Variants in TSKU observed in about 807,000 individuals in gnomAD.
TSKU encodes tsukushi.
A neutral mutation model predicts 11.2 loss-of-function variants in TSKU; 4 were observed. The ratio of observed to expected loss-of-function variants is 0.36; its 90% CI spans 0.18 to 0.82. TSKU has a LOEUF of 0.82. Among genes scored for constraint, TSKU ranks in the 40% least tolerant of loss-of-function variants. The pLI is 0.50. For missense variants in TSKU, 407 were observed against 482.5 expected (o/e 0.84, Z 1.47); for synonymous variants, 220 against 232.2 (o/e 0.95, Z 0.48).
intron 1 of TSKU, chr11:76,784,356 C>T (rs892712402): frequency 6.6e-6 from 1 of 152,326 alleles, no homozygotes; most frequent in Non-Finnish European, 1.5e-5. Flanking sequence ...GGGGCCAACC[C>T]TCGGACCCGG....
intron 1 of TSKU, among the ~76,000 whole-genome samples, chr11:76,794,260 C>T (rs1239394248): frequency 3.3e-5 from 5 of 152,228 alleles, no homozygotes; most frequent in Non-Finnish European, 5.9e-5. Context: ...CTACAGTGGA[C>T]GTGAACACAG....
Position 76,796,904 on chromosome 11 carries a change from G to T in TSKU, c.*226G>T. ...TTGCTTCCCCAAACCATGAGCAGAG[G>T]GACTTCGATGCCAAACCAGACTCGG... On this transcript the variant is annotated 3_prime_UTR_variant, in exon 2 of 2. Coordinates refer to ENST00000333090, the MANE Select transcript of TSKU (RefSeq NM_015516.4). The surrounding 1 kb of genome is among the most constrained non-coding windows in gnomAD (Gnocchi z 4.1). The T allele has an allele frequency of 2.5e-6, 1 of 401,276 alleles. No individual in the cohort carries two copies. The highest frequency in any genetic ancestry group is 4.6e-6 in the Non-Finnish European group (1 of 218,292). 24.9% of individuals were successfully genotyped at this position (401,276 alleles called of 1,614,324 possible).
Position 76,796,071 on chromosome 11 carries a change from C to T in TSKU, c.455C>T (p.Thr152Met), listed in dbSNP as rs751053207. ...CGGGAGGTCTCAGTGTCTGCCTTCA[C>T]GACGCACAGTCAGGGCCGGGCACTA... ...QLREVSVSAF[T>M]THSQGRALHV... The change falls in exon 2 of 2, where the codon ACG becomes ATG. Residue 152 changes from threonine to methionine, a missense_variant. Thr to Met is a moderately conservative substitution (Grantham distance 81). Transcript: ENST00000333090. The surrounding 1 kb of genome is among the most constrained non-coding windows in gnomAD (Gnocchi z 4.1). The T allele has an allele frequency of 1.4e-5, 23 of 1,614,054 alleles. No homozygotes were observed. The highest frequency in any genetic ancestry group is 1.6e-4 in the Middle Eastern group (1 of 6,062).
In TSKU at chr11:76,796,149, G is replaced by C. The variant is rs1396851868; in HGVS notation, c.533G>C (p.Arg178Thr). ...LIHRLVPHPT[R>T]AGLPAPTIQS... is the part of the protein sequence containing the mutation. ...CACCGCCTCGTGCCCCACCCCACGA[G>C]GGCCGGCCTGCCTGCGCCCACCATT... is the stretch of plus-strand genomic sequence containing the variant. The change falls in exon 2 of 2, where the codon AGG becomes ACG. Residue 178 changes from arginine to threonine, a missense_variant. Coordinates refer to ENST00000333090, the MANE Select transcript of TSKU (RefSeq NM_015516.4). This position sits in a 1 kb window ranked among gnomAD's most constrained non-coding sequence, Gnocchi z 4.1. 6.2e-7 allele frequency: 1 copy of C among 1,613,424 alleles called. No homozygotes were observed. Among genetic ancestry groups the C allele is most frequent in the Admixed American group, 1.7e-5 (1 of 59,996 alleles).
At position 76,796,625 on chromosome 11, in the gene TSKU, C is replaced by A; in HGVS notation, c.1009C>A (p.Leu337Met). 1 of 1,474,630 alleles carries A rather than the reference C, an allele frequency of 6.8e-7. No individual in the cohort carries two copies. Among genetic ancestry groups the A allele is most frequent in the Non-Finnish European group, 9.0e-7 (1 of 1,111,766 alleles). The allele number at this position is 1,474,630 out of a possible 1,614,324, so 91.3% of individuals were successfully genotyped here. A position where few individuals can be genotyped will look rare whatever the true frequency, so the allele number is the denominator to read the frequency against. ...RRPGSSPKVA[L>M]HCVDTRDSAA... ...GCCTGGCTCCAGCCCCAAGGTGGCC[C>A]TGCACTGCGTAGACACCCGGGATTC... The change falls in exon 2 of 2, where the codon CTG becomes ATG. Residue 337 changes from leucine to methionine, a missense_variant. Leu to Met is a conservative substitution (Grantham distance 15, BLOSUM62 2). Coordinates refer to ENST00000333090, the MANE Select transcript of TSKU (RefSeq NM_015516.4). This position sits in a 1 kb window ranked among gnomAD's most constrained non-coding sequence, Gnocchi z 4.1.
At chr11:76,793,819 C>T (rs2134401298) in intron 1 of TSKU, among the ~76,000 whole-genome samples, 1 of 152,232 alleles carries the variant, frequency 6.6e-6, no homozygotes, top group East Asian at 1.9e-4. Context: ...AGAGGAGGGT[C>T]CCACATGGGG....
intron 1 of TSKU, among the ~76,000 whole-genome samples, chr11:76,787,443 C>T (rs1341712932): frequency 1.3e-5 from 2 of 152,216 alleles, no homozygotes; most frequent in Non-Finnish European, 2.9e-5. Context: ...TACCTGGGTC[C>T]TGGGTCCAGC....
At chr11:76,783,455 C>T (rs1944264409) in intron 1 of TSKU, 51 bp downstream of exon 1, 2 of 152,164 alleles carry the variant, frequency 1.3e-5, no homozygotes, top group South Asian at 2.1e-4. Flanking sequence ...GGTTGAAGAT[C>T]CCAAGTCCCC....
rs144791919 is a variant in TSKU at position 76,788,139 on chromosome 11, G to A, written c.-9+4735G>A. Among the ~76,000 whole-genome samples the A allele has an allele frequency of 8.2e-3, 1,243 of 152,076 alleles. 13 individuals carry two copies. Among genetic ancestry groups the A allele is most frequent in the African/African-American group, 0.028 (1,168 of 41,464 alleles). On this transcript the variant is annotated intron_variant, in intron 1 of 1. Coordinates refer to ENST00000333090, the MANE Select transcript of TSKU (RefSeq NM_015516.4). ...GAACCATCCACCTGGGGATTTCCTC[G>A]GCATCAGCTTGAGTGAACTCATGAC...
Position 76,796,909 on chromosome 11 carries a change from T to G in TSKU, c.*231T>G, listed in dbSNP as rs1944461632. 2.5e-6 allele frequency: 1 copy of G among 395,110 alleles called. No homozygotes were observed. Among genetic ancestry groups the G allele is most frequent in the Non-Finnish European group, 4.7e-6 (1 of 214,446 alleles). 24.5% of individuals were successfully genotyped at this position (395,110 alleles called of 1,614,324 possible). ...TCCCCAAACCATGAGCAGAGGGACTTCGATGCCAAACCAGACTCGGGTCCC... is the reference window on the plus strand; with the variant it reads ...TCCCCAAACCATGAGCAGAGGGACTGCGATGCCAAACCAGACTCGGGTCCC... On this transcript the variant is annotated 3_prime_UTR_variant, in exon 2 of 2. Transcript: ENST00000333090. The surrounding 1 kb of genome is among the most constrained non-coding windows in gnomAD (Gnocchi z 4.1).
chr11:76,787,587 G>A (rs1471259386), intron 1 of TSKU, among the ~76,000 whole-genome samples: 1 of 152,216 alleles, frequency 6.6e-6, no homozygotes, highest in African/African-American at 2.4e-5. Flanking sequence ...GGTAGTTGAG[G>A]AAGCATGGGA....
rs1944451841 is a variant in TSKU at position 76,796,501 on chromosome 11, T to C, written c.885T>C (p.Pro295=). Residue 295 remains proline, a synonymous_variant, in exon 2 of 2, where the codon CCT becomes CCC. Coordinates refer to ENST00000333090, the MANE Select transcript of TSKU (RefSeq NM_015516.4). This position sits in a 1 kb window ranked among gnomAD's most constrained non-coding sequence, Gnocchi z 4.1. ...DLSGTNLVPL[P]EALLLHLPAL... is the part of the protein sequence containing the mutation. ...CGGGCACCAACCTGGTGCCCCTGCCTGAGGCGCTGCTCCTCCACCTCCCGG... is the reference window on the plus strand; with the variant it reads ...CGGGCACCAACCTGGTGCCCCTGCCCGAGGCGCTGCTCCTCCACCTCCCGG... The C allele has an allele frequency of 6.2e-7, 1 of 1,612,266 alleles. No individual in the cohort carries two copies. Among genetic ancestry groups the C allele is most frequent in the South Asian group, 1.1e-5 (1 of 91,048 alleles).
chr11:76,790,081 T>A (rs1032442354), intron 1 of TSKU, among the ~76,000 whole-genome samples: 32 of 130,916 alleles, frequency 2.4e-4, no homozygotes, highest in Middle Eastern at 4.6e-3. Context: ...TTGTATATAC[T>A]TAGTAGAAAT....
At chr11:76,794,129 T>C (rs1172483643) in intron 1 of TSKU, among the ~76,000 whole-genome samples, 2 of 152,184 alleles carry the variant, frequency 1.3e-5, no homozygotes, top group Non-Finnish European at 2.9e-5. Context: ...CCCAGGCTGC[T>C]GAGGGGCCAC....
chr11:76,793,043 C>A (rs1590819508), intron 1 of TSKU, among the ~76,000 whole-genome samples: 1 of 152,276 alleles, frequency 6.6e-6, no homozygotes. Context: ...CTGACTGTCA[C>A]TGTCGTCACT....
rs1491134728 is a variant in TSKU at position 76,797,093 on chromosome 11, A to AG, written c.*419dup. On this transcript the variant is annotated 3_prime_UTR_variant, in exon 2 of 2. Coordinates refer to ENST00000333090, the MANE Select transcript of TSKU (RefSeq NM_015516.4). Reference sequence around the variant, plus strand: ...CCTTGGGCCCATGGCCCAGTCACTCAGGGGCGAGTTTCTTTTCTAACATAG... The same window carrying AG: ...CCTTGGGCCCATGGCCCAGTCACTCAGGGGGCGAGTTTCTTTTCTAACATAG... The AG allele has an allele frequency of 5.6e-6, 1 of 179,918 alleles. No individual in the cohort carries two copies. The highest frequency in any genetic ancestry group is 1.3e-5 in the Non-Finnish European group (1 of 77,350). The allele number at this position is 179,918 out of a possible 1,614,324, so 11.1% of individuals were successfully genotyped here.
At chr11:76,788,015 G>C (rs1944328452) in intron 1 of TSKU, among the ~76,000 whole-genome samples, 2 of 152,314 alleles carry the variant, frequency 1.3e-5, no homozygotes, top group South Asian at 4.1e-4. Context: ...TGGGTCTGTT[G>C]CAAGAGCTGG....
chr11:76,796,372 G>C lies in TSKU; in HGVS notation c.756G>C (p.Glu252Asp). ...LPELAPSGFR[E>D]LPGLQVLDLS... is the part of the protein sequence containing the mutation. ...AGCTGGCGCCCAGTGGCTTCCGTGA[G>C]CTACCGGGCCTGCAGGTCCTGGACC... Residue 252 changes from glutamate (E) to aspartate (D), a missense_variant, in exon 2 of 2, where the codon GAG becomes GAC. Physicochemically the swap from Glu to Asp is conservative, Grantham distance 45. Transcript: ENST00000333090. The surrounding 1 kb of genome is among the most constrained non-coding windows in gnomAD (Gnocchi z 4.1). 1 of 1,613,354 alleles carries C rather than the reference G, an allele frequency of 6.2e-7. No individual in the cohort carries two copies. Among genetic ancestry groups the C allele is most frequent in the African/African-American group, 1.3e-5 (1 of 75,064 alleles).
chr11:76,795,707 T>C lies in TSKU; in HGVS notation c.91T>C (p.Phe31Leu). The C allele has an allele frequency of 1.2e-6, 2 of 1,614,192 alleles. No homozygotes were observed. The highest frequency in any genetic ancestry group is 1.7e-6 in the Non-Finnish European group (2 of 1,180,030). ...CGGGTGCCAATGCGAGGTGGAGACCTTCGGCCTTTTCGACAGCTTCAGCCT... is the reference window on the plus strand; with the variant it reads ...CGGGTGCCAATGCGAGGTGGAGACCCTCGGCCTTTTCGACAGCTTCAGCCT... ...FPGCQCEVET[F>L]GLFDSFSLTR... The change falls in exon 2 of 2, where the codon TTC becomes CTC. Residue 31 changes from phenylalanine to leucine, a missense_variant. Transcript: ENST00000333090.
Sources: gnomAD v4.1 joint callset for allele counts (sites outside exome capture counted in the v4.1 genomes callset) on GRCh38, gnomAD v4.1.1 for gene constraint, Gnocchi (gnomAD v3.1) non-coding constraint, MANE v1.5 for transcripts, NCBI Gene and HGNC (gene_info 2026-07-23, HGNC 2026-07-21) for gene names.